Variants in UBE2H observed in about 807,000 individuals in gnomAD.
The protein encoded by UBE2H is ubiquitin-conjugating enzyme E2 H.
UBE2H carries 3 observed loss-of-function variants against 29.0 expected under a neutral mutation model. The ratio of observed to expected loss-of-function variants is 0.10; its 90% CI spans 0.05 to 0.27. The LOEUF is 0.27. UBE2H is among the 10% of genes least tolerant of loss of function. UBE2H has a pLI of 1.00. For synonymous variants in UBE2H, 69 were observed against 82.9 expected (o/e 0.83, Z 0.91); for missense variants, 68 against 228.2 (o/e 0.30, Z 4.52).
intron 1 of UBE2H, among the ~76,000 whole-genome samples, chr7:129,910,420 G>A (rs1300568326): frequency 6.6e-6 from 1 of 152,100 alleles, no homozygotes; most frequent in African/African-American, 2.4e-5. Context: ...GCTAGGGGAG[G>A]GGAGAGGCAT....
intron 1 of UBE2H, among the ~76,000 whole-genome samples, chr7:129,889,258 T>C (rs2116393232): frequency 6.6e-6 from 1 of 152,168 alleles, no homozygotes; most frequent in Admixed American, 6.5e-5. Context: ...ATAAGCAGAG[T>C]TAAAGCAAAA....
At chr7:129,898,385 C>T (rs943534224) in intron 1 of UBE2H, among the ~76,000 whole-genome samples, 1 of 152,014 alleles carries the variant, frequency 6.6e-6, no homozygotes, top group African/African-American at 2.4e-5. Context: ...AGAAACCAAC[C>T]TAATCACTTA....
chr7:129,891,813 A>AC (rs1474532381), intron 1 of UBE2H, among the ~76,000 whole-genome samples: 58 of 112,992 alleles, frequency 5.1e-4, no homozygotes, highest in African/African-American at 1.3e-3. Flanking sequence ...ACAAAAACAA[A>AC]AAAAAAAAAA....
intron 1 of UBE2H, among the ~76,000 whole-genome samples, chr7:129,891,541 C>T (rs1563036385): frequency 6.6e-6 from 1 of 152,144 alleles, no homozygotes; most frequent in African/African-American, 2.4e-5. Flanking sequence ...TGGTAGCTCA[C>T]GCCTATAATC....
At chr7:129,849,848 G>A (rs757734659) in intron 5 of UBE2H, among the ~76,000 whole-genome samples, 5 of 152,184 alleles carry the variant, frequency 3.3e-5, no homozygotes, top group Non-Finnish European at 7.3e-5. Flanking sequence ...TTACTTGACT[G>A]AGAGGGTCTC....
chr7:129,854,335 GT>G (rs1221735643), intron 5 of UBE2H, among the ~76,000 whole-genome samples: 1 of 152,098 alleles, frequency 6.6e-6, no homozygotes, highest in Non-Finnish European at 1.5e-5. Context: ...AAAACTTTCC[GT>G]GAAAGAAATG....
chr7:129,952,622 G>A lies in UBE2H; in HGVS notation c.-67C>T. On this transcript the variant is annotated 5_prime_UTR_variant, in exon 1 of 7. Coordinates refer to ENST00000355621, the MANE Select transcript of UBE2H (RefSeq NM_003344.4). The stretch of plus-strand genomic sequence containing the variant: ...ACGGGCCCGGGGCCCCGGCTCTGAG[G>A]AGCCCGCGGCCGCGCCGGCTCCTCG... The A allele has an allele frequency of 6.4e-7, 1 of 1,572,394 alleles. No homozygotes were observed. Among genetic ancestry groups the A allele is most frequent in the Non-Finnish European group, 8.6e-7 (1 of 1,160,590 alleles).
At chr7:129,843,433 T>TG (rs1805461722) in intron 5 of UBE2H, among the ~76,000 whole-genome samples, 1 of 152,160 alleles carries the variant, frequency 6.6e-6, no homozygotes, top group South Asian at 2.1e-4. Flanking sequence ...ATTTTACAGA[T>TG]GGAGAAATTG....
chr7:129,894,232 T>A (rs1374289002), intron 1 of UBE2H, among the ~76,000 whole-genome samples: 1 of 152,152 alleles, frequency 6.6e-6, no homozygotes, highest in Non-Finnish European at 1.5e-5. Context: ...AGCAGGCAGA[T>A]CTTTTGAGCT....
intron 5 of UBE2H, among the ~76,000 whole-genome samples, chr7:129,855,305 C>A (rs2116310844): frequency 6.6e-6 from 1 of 152,284 alleles, no homozygotes; most frequent in Middle Eastern, 3.4e-3. Context: ...CAATTTACTT[C>A]ATTGTAATTG....
chr7:129,892,989 T>C (rs963977414), intron 1 of UBE2H, among the ~76,000 whole-genome samples: 4 of 152,188 alleles, frequency 2.6e-5, no homozygotes, highest in Admixed American at 1.3e-4. Flanking sequence ...TATTTAAAAA[T>C]AGCCATTTCA....
rs543800390 is a variant in UBE2H, at chr7:129,914,829, T to G, written c.54-33858A>C. Among the ~76,000 whole-genome samples, 4 of 152,324 alleles carry G rather than the reference T, an allele frequency of 2.6e-5. No homozygotes were observed. The East Asian group carries it at 7.7e-4, about 29-fold the overall frequency. On this transcript the variant is annotated intron_variant, in intron 1 of 6. Transcript: ENST00000355621. Reference sequence around the variant, plus strand: ...CTTATCTCTCAGCTCTGCAACTTACTTGGCATGAGATAGGGGCCTAAGGTT... The same window carrying G: ...CTTATCTCTCAGCTCTGCAACTTACGTGGCATGAGATAGGGGCCTAAGGTT...
intron 1 of UBE2H, among the ~76,000 whole-genome samples, chr7:129,902,378 G>A (rs530168741): frequency 6.6e-6 from 1 of 152,212 alleles, no homozygotes; most frequent in African/African-American, 2.4e-5. Flanking sequence ...GCAGGCAGCT[G>A]CAATCCTAGC....
intron 1 of UBE2H, among the ~76,000 whole-genome samples, chr7:129,947,425 C>T (rs1389823576): frequency 6.6e-6 from 1 of 152,166 alleles, no homozygotes; most frequent in African/African-American, 2.4e-5. Context: ...TCCCAATTGA[C>T]ACTAGAACTA....
chr7:129,919,975 T>C (rs1278673408), intron 1 of UBE2H, among the ~76,000 whole-genome samples: 3 of 152,228 alleles, frequency 2.0e-5, no homozygotes, highest in Non-Finnish European at 4.4e-5. Context: ...TTGGTAAAAT[T>C]ACTTTGAAGA....
intron 1 of UBE2H, among the ~76,000 whole-genome samples, chr7:129,892,127 T>C (rs34403102): frequency 0.11 from 16,603 of 151,938 alleles, 1,261 homozygotes; most frequent in African/African-American, 0.22. Flanking sequence ...TAATTTTTTG[T>C]ATTTTTGGTA....
intron 1 of UBE2H, among the ~76,000 whole-genome samples, chr7:129,909,821 A>G (rs1212885126): frequency 6.6e-6 from 1 of 152,190 alleles, no homozygotes; most frequent in Non-Finnish European, 1.5e-5. Flanking sequence ...GGACAAAGAG[A>G]TAAGACACAG....
intron 1 of UBE2H, among the ~76,000 whole-genome samples, chr7:129,928,785 T>A: frequency 6.6e-6 from 1 of 151,990 alleles, no homozygotes; most frequent in Non-Finnish European, 1.5e-5. Flanking sequence ...CAATTAAAAC[T>A]AAATATATAT....
intron 1 of UBE2H, among the ~76,000 whole-genome samples, chr7:129,950,106 A>C (rs1807845220): frequency 6.6e-6 from 1 of 152,194 alleles, no homozygotes; most frequent in Non-Finnish European, 1.5e-5. Flanking sequence ...TGAATTCAAC[A>C]GAGAAAGGAG....
Sources: allele counts gnomAD v4.1 joint callset (sites outside exome capture counted in the v4.1 genomes callset), GRCh38; gene constraint gnomAD v4.1.1; transcripts MANE v1.5; gene names NCBI Gene and HGNC (gene_info 2026-07-23, HGNC 2026-07-21).